The following GXYLT2 variants were observed in gnomAD, a reference collection of about 807,000 sequenced individuals.
The protein encoded by GXYLT2 is glycosyltransferase 8 domain containing 4.
Under a neutral mutation model 45.8 loss-of-function variants are expected in GXYLT2, and 53 were observed. The ratio of observed to expected loss-of-function variants is 1.16; its 90% CI spans 0.93 to 1.46. The LOEUF (loss-of-function observed/expected upper bound fraction) is 1.46. Among genes scored for constraint, GXYLT2 ranks in the 40% most tolerant of loss-of-function variants. The pLI, the probability that GXYLT2 is intolerant of heterozygous loss-of-function variation, is 0.00. For missense variants in GXYLT2, 551 were observed against 544.4 expected (o/e 1.01, Z -0.12); for synonymous variants, 219 against 214.2 (o/e 1.02, Z -0.19).
At chr3:72,965,185 G>A (rs1710840906) in intron 5 of GXYLT2, among the ~76,000 whole-genome samples, 1 of 152,196 alleles carries the variant, frequency 6.6e-6, no homozygotes, top group Non-Finnish European at 1.5e-5. Context: ...AGTGTGTTAT[G>A]AGCAATTAGA....
At chr3:72,900,328 A>G (rs1055991567) in intron 1 of GXYLT2, among the ~76,000 whole-genome samples, 2 of 151,952 alleles carry the variant, frequency 1.3e-5, no homozygotes, top group African/African-American at 4.8e-5. Context: ...TCTGAATATC[A>G]TTTTTCATTT....
In GXYLT2 at chr3:72,942,752, A is replaced by T. The variant is rs540888004; in HGVS notation, c.601-12346A>T. On this transcript the variant is annotated intron_variant, in intron 3 of 6. Transcript: ENST00000389617. Reference sequence around the variant, plus strand: ...GTGTTTTCAAAGCTGTCCAGGTTATAAAAAAAAAAAAAAAGGAAAGGCTGA... The same window carrying T: ...GTGTTTTCAAAGCTGTCCAGGTTATTAAAAAAAAAAAAAAGGAAAGGCTGA... 6.5e-3 allele frequency among the ~76,000 whole-genome samples: 871 copies of T among 134,892 alleles called. 4 individuals are homozygous for T. The highest frequency in any genetic ancestry group is 0.011 in the Admixed American group (152 of 13,666). 88.5% of individuals were successfully genotyped at this position (134,892 alleles called of 152,430 possible). A position where few individuals can be genotyped will look rare whatever the true frequency, so the allele number is the denominator to read the frequency against.
Position 72,894,330 on chromosome 3 carries a change from C to A in GXYLT2, c.275+5822C>A, listed in dbSNP as rs181424955. Among the ~76,000 whole-genome samples the A allele has an allele frequency of 1.6e-4, 25 of 152,212 alleles. 1 individual carries two copies. The East Asian group carries it at 3.5e-3, about 21-fold the overall frequency. On this transcript the variant is annotated intron_variant, in intron 1 of 6. Coordinates refer to ENST00000389617, the MANE Select transcript of GXYLT2 (RefSeq NM_001080393.2). Reference sequence around the variant, plus strand: ...CTAGATGGTTCTTTTAAATCAAAATCTTGGGACTATTGATGGAGAGAAAGG... The same window carrying A: ...CTAGATGGTTCTTTTAAATCAAAATATTGGGACTATTGATGGAGAGAAAGG...
At chr3:72,953,425 G>A (rs1710564134) in intron 3 of GXYLT2, among the ~76,000 whole-genome samples, 1 of 152,124 alleles carries the variant, frequency 6.6e-6, no homozygotes, top group South Asian at 2.1e-4. Context: ...GAGTAGCTGG[G>A]ACTATAGACG....
intron 6 of GXYLT2, among the ~76,000 whole-genome samples, chr3:72,968,857 C>T (rs540782982): frequency 2.0e-5 from 3 of 152,092 alleles, no homozygotes; most frequent in African/African-American, 2.4e-5. Flanking sequence ...GTCAGGAGAT[C>T]GAGACTTTCC....
intron 3 of GXYLT2, among the ~76,000 whole-genome samples, chr3:72,941,371 T>A (rs567351339): frequency 6.6e-6 from 1 of 152,196 alleles, no homozygotes; most frequent in Non-Finnish European, 1.5e-5. Context: ...CTGGGCCTGA[T>A]GTTGAGGGCC....
intron 3 of GXYLT2, 128 bp downstream of exon 3, chr3:72,922,463 C>A: frequency 1.1e-6 from 1 of 884,922 alleles, no homozygotes; most frequent in South Asian, 1.8e-5. Context: ...GGAGCTGATG[C>A]TCTAAGTCTG....
At chr3:72,916,568 C>G (rs1309786926) in intron 2 of GXYLT2, among the ~76,000 whole-genome samples, 1 of 152,024 alleles carries the variant, frequency 6.6e-6, no homozygotes, top group Non-Finnish European at 1.5e-5. Flanking sequence ...GAGATAGAGT[C>G]TCGCTCTGTT....
chr3:72,900,808 G>GTATT (rs547110648), intron 1 of GXYLT2, among the ~76,000 whole-genome samples: 83 of 141,894 alleles, frequency 5.8e-4, no homozygotes, highest in African/African-American at 2.0e-3. Flanking sequence ...GTGCATTAAT[G>GTATT]TATTTATTTA....
At chr3:72,915,549 G>C (rs535391197) in intron 2 of GXYLT2, among the ~76,000 whole-genome samples, 30 of 151,968 alleles carry the variant, frequency 2.0e-4, no homozygotes, top group Non-Finnish European at 4.1e-4. Context: ...TAAAGGTATT[G>C]AGGGAGCTGG....
intron 3 of GXYLT2, among the ~76,000 whole-genome samples, chr3:72,938,650 AG>A (rs1362119110): frequency 6.6e-6 from 1 of 152,204 alleles, no homozygotes; most frequent in Non-Finnish European, 1.5e-5. Flanking sequence ...TGATAAGAGG[AG>A]GAAGCAAGCC....
chr3:72,945,144 C>T (rs1266690993), intron 3 of GXYLT2, among the ~76,000 whole-genome samples: 8 of 150,964 alleles, frequency 5.3e-5, no homozygotes, highest in East Asian at 2.0e-4. Context: ...AAAAATCAGC[C>T]GGGTGTGGTG....
rs779170141 is a variant in GXYLT2 at position 72,922,351 on chromosome 3, T to C, written c.600+16T>C. On this transcript the variant is annotated intron_variant, in intron 3 of 6. Coordinates refer to ENST00000389617, the MANE Select transcript of GXYLT2 (RefSeq NM_001080393.2). ...CTTTCTTCCGGTAGGAACACCTGTTTTTAATAAGTTGTAGCTTGCTCCTGG... is the reference window on the plus strand; with the variant it reads ...CTTTCTTCCGGTAGGAACACCTGTTCTTAATAAGTTGTAGCTTGCTCCTGG... 6.2e-7 allele frequency: 1 copy of C among 1,608,232 alleles called. No individual in the cohort carries two copies. The highest frequency in any genetic ancestry group is 1.1e-5 in the South Asian group (1 of 89,900).
chr3:72,935,453 T>C (rs534928686), intron 3 of GXYLT2, among the ~76,000 whole-genome samples: 3 of 152,302 alleles, frequency 2.0e-5, no homozygotes, highest in South Asian at 4.1e-4. Context: ...GTGAAATTAA[T>C]TCAAGAAAAT....
chr3:72,970,519 A>C (rs34160408), intron 6 of GXYLT2, among the ~76,000 whole-genome samples: 60,177 of 151,872 alleles, frequency 0.4, 14,793 homozygotes, highest in Non-Finnish European at 0.54. Flanking sequence ...TGAAAAAAAG[A>C]AAGTATGCAT....
intron 3 of GXYLT2, among the ~76,000 whole-genome samples, chr3:72,926,612 C>T (rs1171375863): frequency 6.6e-6 from 1 of 152,116 alleles, no homozygotes; most frequent in African/African-American, 2.4e-5. Flanking sequence ...CACCTTTCCC[C>T]CAATTAATTG....
chr3:72,888,477 CG>C lies in GXYLT2; in HGVS notation c.248del (p.Gly83AlafsTer67). On this transcript the variant is annotated frameshift_variant, in exon 1 of 7. Coordinates refer to ENST00000389617, the MANE Select transcript of GXYLT2 (RefSeq NM_001080393.2). LOFTEE classifies it high-confidence loss of function. Reference sequence around the variant, plus strand: ...GCGTCCGCGCCCCCGAGCGGGCCGCCGGGGCGCTGCGAGACTGGAGAAGTTG... The same window carrying C: ...GCGTCCGCGCCCCCGAGCGGGCCGCCGGGCGCTGCGAGACTGGAGAAGTTG... ...PPRPRPRAGRRGAARLEKLAR... is the reference protein window; with the variant it reads ...PPRPRPRAGRXGAARLEKLAR... 4 of 1,250,882 alleles carry C rather than the reference CG, an allele frequency of 3.2e-6. No individual in the cohort carries two copies. Among genetic ancestry groups the C allele is most frequent in the South Asian group, 2.4e-5 (1 of 40,996 alleles). 77.5% of individuals were successfully genotyped at this position (1,250,882 alleles called of 1,614,324 possible). A position where few individuals can be genotyped will look rare whatever the true frequency, so the allele number is the denominator to read the frequency against.
At chr3:72,892,353 C>T (rs1322014951) in intron 1 of GXYLT2, among the ~76,000 whole-genome samples, 1 of 152,174 alleles carries the variant, frequency 6.6e-6, no homozygotes, top group East Asian at 1.9e-4. Context: ...TTCTTTTTTT[C>T]TGTGTTGGCC....
chr3:72,936,300 G>GAA (rs796602781), intron 3 of GXYLT2, among the ~76,000 whole-genome samples: 45 of 72,610 alleles, frequency 6.2e-4, no homozygotes, highest in Admixed American at 3.2e-3. Flanking sequence ...TCAAAAAAAA[G>GAA]AAAAAAAAAA....
Sources: allele counts gnomAD v4.1 joint callset (sites outside exome capture counted in the v4.1 genomes callset), GRCh38; gene constraint gnomAD v4.1.1; transcripts MANE v1.5; gene names NCBI Gene and HGNC (gene_info 2026-07-23, HGNC 2026-07-21).